Variants in CDK13 observed in about 807,000 individuals in gnomAD.
The protein encoded by CDK13 is cyclin-dependent kinase 13.
A neutral mutation model predicts 137.6 loss-of-function variants in CDK13; 40 were observed. The observed-to-expected ratio is 0.29, with a 90% CI of 0.23 to 0.38. The LOEUF (loss-of-function observed/expected upper bound fraction) is 0.38, where lower values mean the gene tolerates loss of function less well. CDK13 is among the 10% of genes least tolerant of loss of function. The pLI, the probability that CDK13 is intolerant of heterozygous loss-of-function variation, is 1.00. For missense variants in CDK13, 1,704 were observed against 1,951.8 expected (o/e 0.87, Z 2.39); for synonymous variants, 869 against 760.1 (o/e 1.14, Z -2.36).
At chr7:40,033,462 A>C (rs765208538) in intron 5 of CDK13, among the ~76,000 whole-genome samples, 1 of 152,150 alleles carries the variant, frequency 6.6e-6, no homozygotes, top group East Asian at 1.9e-4. Context: ...AAAATTTTTC[A>C]TTGAAAGTCA....
chr7:40,084,454 G>T (rs998613463), intron 11 of CDK13, among the ~76,000 whole-genome samples: 1 of 152,132 alleles, frequency 6.6e-6, no homozygotes. Context: ...CTCCACCCTG[G>T]GTGACAAGAG....
intron 1 of CDK13, among the ~76,000 whole-genome samples, chr7:39,958,596 T>A (rs1487706045): frequency 6.6e-6 from 1 of 152,202 alleles, no homozygotes; most frequent in Non-Finnish European, 1.5e-5. Flanking sequence ...TACTCCACAG[T>A]ACAGCATACC....
At chr7:40,063,208 C>T in intron 9 of CDK13, 108 bp downstream of exon 9, 1 of 796,960 alleles carries the variant, frequency 1.3e-6, no homozygotes, top group South Asian at 1.6e-5. Context: ...ACATGGTTCT[C>T]TGGAGGGCTT....
chr7:40,092,679 C>CT lies in CDK13; in HGVS notation c.3236-105dup. Reference sequence around the variant, plus strand: ...CTTTTTACAGTATTTCTTAAATACTCTCCCTCAAATATATATTTTCATATG... The same window carrying CT: ...CTTTTTACAGTATTTCTTAAATACTCTTCCCTCAAATATATATTTTCATATG... On this transcript the variant is annotated intron_variant, in intron 12 of 13. Transcript: ENST00000181839. 5.5e-6 allele frequency: 4 copies of CT among 730,546 alleles called. No individual in the cohort carries two copies. The South Asian group carries it at 7.5e-5, about 14-fold the overall frequency. 45.3% of individuals were successfully genotyped at this position (730,546 alleles called of 1,614,324 possible). A position where few individuals can be genotyped will look rare whatever the true frequency, so the allele number is the denominator to read the frequency against.
At chr7:39,983,913 G>C (rs1382852878) in intron 1 of CDK13, among the ~76,000 whole-genome samples, 1 of 152,010 alleles carries the variant, frequency 6.6e-6, no homozygotes. Flanking sequence ...ATAATTATAA[G>C]CTTATTGATA....
intron 11 of CDK13, among the ~76,000 whole-genome samples, chr7:40,083,546 A>G (rs1373220487): frequency 6.6e-6 from 1 of 152,184 alleles, no homozygotes; most frequent in African/African-American, 2.4e-5. Flanking sequence ...TTTCTTAATT[A>G]TGTTTTTTAA....
In CDK13 at chr7:39,992,105, GCA is replaced by G. The variant is rs764758989; in HGVS notation, c.1871+3860_1871+3861del. Among the ~76,000 whole-genome samples, 801 of 133,440 alleles carry G rather than the reference GCA, an allele frequency of 6.0e-3. 8 individuals carry two copies. Among genetic ancestry groups the G allele is most frequent in the African/African-American group, 0.018 (674 of 36,666 alleles). The allele number at this position is 133,440 out of a possible 152,430, so 87.5% of individuals were successfully genotyped here. ...CACACACACACACACACACACACAC[GCA>G]CACACACACACAAGCACACACGCTC... On this transcript the variant is annotated intron_variant, in intron 2 of 13. Transcript: ENST00000181839.
intron 5 of CDK13, among the ~76,000 whole-genome samples, chr7:40,044,470 C>T (rs1323759844): frequency 6.6e-6 from 1 of 151,878 alleles, no homozygotes; most frequent in Non-Finnish European, 1.5e-5. Context: ...GATAACACAC[C>T]ACCACGCCAG....
chr7:39,957,825 T>A (rs925550450), intron 1 of CDK13, among the ~76,000 whole-genome samples: 2 of 152,218 alleles, frequency 1.3e-5, no homozygotes, highest in Non-Finnish European at 2.9e-5. Flanking sequence ...AAATTGTAGC[T>A]ATTTTTGAAA....
At chr7:40,030,007 T>G (rs1340553917) in intron 5 of CDK13, among the ~76,000 whole-genome samples, 1 of 152,160 alleles carries the variant, frequency 6.6e-6, no homozygotes, top group Non-Finnish European at 1.5e-5. Context: ...GGTCATTTCT[T>G]GATTCTATCT....
intron 9 of CDK13, chr7:40,071,356 G>A (rs1786418388): frequency 6.6e-6 from 1 of 152,130 alleles, no homozygotes. Context: ...TAAAATAAAA[G>A]TTGTTGGAAT....
At position 39,951,472 on chromosome 7, in the gene CDK13, G is replaced by T. The variant is rs781195664; in HGVS notation, c.831G>T (p.Lys277Asn). The T allele has an allele frequency of 6.5e-7, 1 of 1,538,202 alleles. No homozygotes were observed. The highest frequency in any genetic ancestry group is 8.7e-7 in the Non-Finnish European group (1 of 1,143,334). ...SSSSRKDRDS[K>N]AHRSRTKSSK... ...GCAGCCGCAAGGACCGGGACTCGAA[G>T]GCCCACCGCAGCCGGACTAAGTCGT... Residue 277 changes from lysine (K) to asparagine (N), a missense_variant, in exon 1 of 14, where the codon AAG becomes AAT. Lys to Asn is a moderately conservative substitution (Grantham distance 94, BLOSUM62 0). Coordinates refer to ENST00000181839, the MANE Select transcript of CDK13 (RefSeq NM_003718.5).
intron 1 of CDK13, among the ~76,000 whole-genome samples, chr7:39,963,704 G>T (rs1562700546): frequency 1.3e-5 from 2 of 152,206 alleles, no homozygotes; most frequent in African/African-American, 2.4e-5. Flanking sequence ...TCTTGTGCCA[G>T]TTTTCAAAGG....
At position 39,997,667 on chromosome 7, in the gene CDK13, A is replaced by G; in HGVS notation, c.2042+3A>G. 6.2e-7 allele frequency: 1 copy of G among 1,610,332 alleles called. No individual in the cohort carries two copies. The highest frequency in any genetic ancestry group is 8.5e-7 in the Non-Finnish European group (1 of 1,178,178). ...TTACATAGTAAAAGGAGGCCTAAGT[A>G]TGTGCTTGCTTTCTACCTGCTCTTA... On this transcript the variant is annotated splice_donor_region_variant and intron_variant, in intron 3 of 13. Coordinates refer to ENST00000181839, the MANE Select transcript of CDK13 (RefSeq NM_003718.5).
intron 9 of CDK13, among the ~76,000 whole-genome samples, chr7:40,077,287 A>G (rs1562762683): frequency 2.0e-5 from 3 of 152,150 alleles, no homozygotes; most frequent in Admixed American, 6.6e-5. Context: ...CGTTTCTGCT[A>G]TTATTGTAGA....
At position 39,950,922 on chromosome 7, in the gene CDK13, G is replaced by C; in HGVS notation, c.281G>C (p.Arg94Thr). 1 of 1,319,264 alleles carries C rather than the reference G, an allele frequency of 7.6e-7. No individual in the cohort carries two copies. Among genetic ancestry groups the C allele is most frequent in the Non-Finnish European group, 9.6e-7 (1 of 1,039,812 alleles). The allele number at this position is 1,319,264 out of a possible 1,614,324, so 81.7% of individuals were successfully genotyped here. The change falls in exon 1 of 14, where the codon AGA (arginine) becomes ACA (threonine). Residue 94 changes from arginine to threonine, a missense_variant. Coordinates refer to ENST00000181839, the MANE Select transcript of CDK13 (RefSeq NM_003718.5). ...GPPLEVKRLA[R>T]GKRRAGGRQK... is the part of the protein sequence containing the mutation. ...CCTCTGGAGGTCAAGCGGCTGGCGA[G>C]AGGCAAGAGGCGCGCAGGAGGGCGG...
intron 5 of CDK13, among the ~76,000 whole-genome samples, chr7:40,028,147 C>G (rs1050178005): frequency 6.6e-6 from 1 of 150,794 alleles, no homozygotes; most frequent in African/African-American, 2.4e-5. Context: ...TCTTGTTGAT[C>G]AGAGTGGGGG....
chr7:39,952,084 G>T, intron 1 of CDK13: 1 of 395,262 alleles, frequency 2.5e-6, no homozygotes, highest in East Asian at 3.6e-5. Context: ...GCTGTGGCAG[G>T]GAAGATTTCT....
rs776023984 is a variant in CDK13, at chr7:40,094,642, C to T, written c.4201C>T (p.Pro1401Ser). The T allele has an allele frequency of 5.6e-6, 9 of 1,614,034 alleles. No homozygotes were observed. Among genetic ancestry groups the T allele is most frequent in the East Asian group, 2.2e-5 (1 of 44,902 alleles). Residue 1401 changes from proline to serine, a missense_variant, in exon 14 of 14, where the codon CCC becomes TCC. Transcript: ENST00000181839. ...GCCTTCTGCCTTTTCTGAGTCATTT[C>T]CCAGTTCAGTAGCTGGATATGGAGA... ...PQPSAFSESFPSSVAGYGDIY... is the reference protein window; with the variant it reads ...PQPSAFSESFSSSVAGYGDIY...
Sources: gnomAD v4.1 joint callset for allele counts (sites outside exome capture counted in the v4.1 genomes callset) on GRCh38, gnomAD v4.1.1 for gene constraint, MANE v1.5 for transcripts, NCBI Gene and HGNC (gene_info 2026-07-23, HGNC 2026-07-21) for gene names.